The following ZNF253 variants were observed in gnomAD, a reference collection of about 807,000 sequenced individuals.
The protein encoded by ZNF253 is zinc finger protein 253.
ZNF253 carries 8 observed loss-of-function variants against 11.9 expected under a neutral mutation model. The observed-to-expected ratio is 0.67, with a 90% CI of 0.40 to 1.22. ZNF253 has a LOEUF of 1.22. Ranked by LOEUF, ZNF253 falls within the 50% of genes most tolerant of loss-of-function variation. The probability of loss-of-function intolerance (pLI) is 0.01; values close to 1 mark genes in which losing one functional copy is unlikely to be tolerated. For synonymous variants in ZNF253, 194 were observed against 194.9 expected (o/e 1.00, Z 0.04); for missense variants, 485 against 586.9 (o/e 0.83, Z 1.79).
At chr19:19,885,228 TTTC>T (rs2063194349) in intron 3 of ZNF253, among the ~76,000 whole-genome samples, 1 of 50,438 alleles carries the variant, frequency 2.0e-5, no homozygotes, top group Non-Finnish European at 3.2e-5. Flanking sequence ...TCTTTCTTTC[TTTC>T]TTTCTTTCTT....
chr19:19,889,522 T>C (rs955165205), intron 3 of ZNF253, among the ~76,000 whole-genome samples: 4 of 152,158 alleles, frequency 2.6e-5, no homozygotes, highest in Non-Finnish European at 4.4e-5. Flanking sequence ...ATTTTTGTAT[T>C]TTTAGTAGAG....
intron 1 of ZNF253, 123 bp downstream of exon 1, chr19:19,866,122 C>T: frequency 1.5e-6 from 2 of 1,317,784 alleles, no homozygotes; most frequent in South Asian, 2.6e-5. Flanking sequence ...GTTCTCCCTG[C>T]CCAGCTCGGC....
chr19:19,872,736 C>T (rs1219828599), intron 1 of ZNF253, among the ~76,000 whole-genome samples: 1 of 150,704 alleles, frequency 6.6e-6, no homozygotes, highest in Non-Finnish European at 1.5e-5. Context: ...CAACTTGAAT[C>T]TTTGCTCCCA....
In ZNF253 at chr19:19,892,933, C is replaced by G. The variant is rs1339171346; in HGVS notation, c.*186C>G. On this transcript the variant is annotated 3_prime_UTR_variant, in exon 4 of 4. Coordinates refer to ENST00000589717, the MANE Select transcript of ZNF253 (RefSeq NM_021047.3). ...TAATTCATACCAAACAGAAGCCCTA[C>G]AAGTGTGAAGAATGTGGCAAAACCT... The G allele has an allele frequency of 4.9e-6, 3 of 611,528 alleles. No individual in the cohort carries two copies. Among genetic ancestry groups the G allele is most frequent in the Non-Finnish European group, 8.4e-6 (3 of 358,710 alleles). 37.9% of individuals were successfully genotyped at this position (611,528 alleles called of 1,614,324 possible). A position where few individuals can be genotyped will look rare whatever the true frequency, so the allele number is the denominator to read the frequency against.
chr19:19,886,093 A>G (rs1163976867), intron 3 of ZNF253, among the ~76,000 whole-genome samples: 2 of 152,172 alleles, frequency 1.3e-5, no homozygotes, highest in Non-Finnish European at 2.9e-5. Context: ...CCTGGGCTCA[A>G]GTGATTCTTT....
intron 1 of ZNF253, among the ~76,000 whole-genome samples, chr19:19,877,086 G>A (rs1481104748): frequency 6.6e-6 from 1 of 152,172 alleles, no homozygotes; most frequent in East Asian, 1.9e-4. Context: ...AACATGTAAT[G>A]TTGAGGCTCC....
intron 1 of ZNF253, 51 bp downstream of exon 1, chr19:19,866,050 G>C: frequency 6.2e-7 from 1 of 1,613,344 alleles, no homozygotes; most frequent in Non-Finnish European, 8.5e-7. Context: ...GTTTGGAACG[G>C]TGGGAAGTGG....
rs768723749 is a variant in ZNF253, at chr19:19,892,353, G to T, written c.1106G>T (p.Arg369Ile). Residue 369 changes from arginine (R) to isoleucine (I), a missense_variant, in exon 4 of 4, where the codon AGA becomes ATA. Transcript: ENST00000589717. ...KILHTGEKPY[R>I]CRECGKAFNH... The stretch of plus-strand genomic sequence containing the variant: ...CTTCATACTGGAGAGAAACCCTACA[G>T]ATGTAGAGAATGTGGCAAAGCTTTT... 4 of 1,611,126 alleles carry T rather than the reference G, an allele frequency of 2.5e-6. No individual in the cohort carries two copies. The highest frequency in any genetic ancestry group is 1.7e-5 in the Admixed American group (1 of 59,730).
In ZNF253 at chr19:19,865,911, T is replaced by C; in HGVS notation, c.-86T>C. The C allele has an allele frequency of 6.5e-7, 1 of 1,543,920 alleles. No individual in the cohort carries two copies. Among genetic ancestry groups the C allele is most frequent in the Non-Finnish European group, 9.0e-7 (1 of 1,116,122 alleles). Reference sequence around the variant, plus strand: ...ATCCTCAGTGTTCTGTGTCCTGTGCTTATAGAGGCCCGTCCTCTGTGGCCG... The same window carrying C: ...ATCCTCAGTGTTCTGTGTCCTGTGCCTATAGAGGCCCGTCCTCTGTGGCCG... On this transcript the variant is annotated 5_prime_UTR_variant, in exon 1 of 4. Coordinates refer to ENST00000589717, the MANE Select transcript of ZNF253 (RefSeq NM_021047.3).
chr19:19,885,298 T>TTTTCTTTTCTTTC lies in ZNF253; in HGVS notation c.226+5159_226+5160insTCTTTCTTTCTTT, dbSNP rs1441429030. Among the ~76,000 whole-genome samples, 4 of 37,590 alleles carry TTTTCTTTTCTTTC rather than the reference T, an allele frequency of 1.1e-4. 1 individual carries two copies. The highest frequency in any genetic ancestry group is 1.7e-4 in the Non-Finnish European group (4 of 24,064). 24.7% of individuals were successfully genotyped at this position (37,590 alleles called of 152,430 possible). A position where few individuals can be genotyped will look rare whatever the true frequency, so the allele number is the denominator to read the frequency against. On this transcript the variant is annotated intron_variant, in intron 3 of 3. Coordinates refer to ENST00000589717, the MANE Select transcript of ZNF253 (RefSeq NM_021047.3). The stretch of plus-strand genomic sequence containing the variant: ...TTCTTTCTTTCTTTCTTTCTCTTTC[T>TTTTCTTTTCTTTC]TTTCTTTCTTTCTTTCTTTCTTTCT...
intron 1 of ZNF253, among the ~76,000 whole-genome samples, chr19:19,868,901 A>G (rs945803728): frequency 1.3e-5 from 2 of 152,198 alleles, no homozygotes; most frequent in Non-Finnish European, 2.9e-5. Flanking sequence ...GGTTATATGT[A>G]GATGCTTTTC....
At chr19:19,885,303 TTTC>T (rs1231363862) in intron 3 of ZNF253, among the ~76,000 whole-genome samples, 8 of 31,306 alleles carry the variant, frequency 2.6e-4, no homozygotes, top group Non-Finnish European at 2.5e-4. Context: ...CTTTCTTTTC[TTTC>T]TTTCTTTCTT....
chr19:19,875,554 C>T (rs2063151718), intron 1 of ZNF253, among the ~76,000 whole-genome samples: 1 of 152,086 alleles, frequency 6.6e-6, no homozygotes, highest in Non-Finnish European at 1.5e-5. Context: ...CACCACCACG[C>T]CCGGCTAATT....
chr19:19,887,068 A>G (rs1478824123), intron 3 of ZNF253, among the ~76,000 whole-genome samples: 4 of 152,032 alleles, frequency 2.6e-5, no homozygotes, highest in African/African-American at 9.7e-5. Flanking sequence ...ATAAAATAAT[A>G]CCAGTCTATG....
chr19:19,885,216 ATTCT>A (rs1162456298), intron 3 of ZNF253, among the ~76,000 whole-genome samples: 2,361 of 69,028 alleles, frequency 0.034, 181 homozygotes, highest in South Asian at 0.055. Flanking sequence ...TTTTTTTTGT[ATTCT>A]TTCTTTCTTT....
upstream of ZNF253, chr19:19,865,833 C>A: frequency 1.1e-6 from 1 of 911,648 alleles, no homozygotes; most frequent in Non-Finnish European, 1.8e-6. Context: ...CTGGAGCGAA[C>A]CACATGGTTT....
Position 19,892,570 on chromosome 19 carries a change from A to G in ZNF253, c.1323A>G (p.Thr441=). ...KSFTASSTLT[T]HKRIHTGEKP... is the part of the protein sequence containing the mutation. ...TTACTGCATCCTCAACTCTAACTAC[A>G]CATAAGAGAATTCATACTGGAGAGA... Residue 441 remains threonine (T), a synonymous_variant, in exon 4 of 4, where the codon ACA becomes ACG. Transcript: ENST00000589717. The G allele has an allele frequency of 6.2e-7, 1 of 1,614,038 alleles. No individual in the cohort carries two copies. The highest frequency in any genetic ancestry group is 8.5e-7 in the Non-Finnish European group (1 of 1,179,942).
chr19:19,892,585 T>C lies in ZNF253; in HGVS notation c.1338T>C (p.His446=). 1 of 1,614,040 alleles carries C rather than the reference T, an allele frequency of 6.2e-7. No individual in the cohort carries two copies. The highest frequency in any genetic ancestry group is 8.5e-7 in the Non-Finnish European group (1 of 1,179,952). The change falls in exon 4 of 4, where the codon CAT becomes CAC. Residue 446 remains histidine (H), a synonymous_variant. Transcript: ENST00000589717. ...CTCTAACTACACATAAGAGAATTCA[T>C]ACTGGAGAGAAACCTTACAAATGTG... ...SSTLTTHKRI[H]TGEKPYKCEE... is the part of the protein sequence containing the mutation.
intron 1 of ZNF253, among the ~76,000 whole-genome samples, chr19:19,873,345 C>A (rs1373715952): frequency 6.6e-6 from 1 of 151,904 alleles, no homozygotes; most frequent in Non-Finnish European, 1.5e-5. Flanking sequence ...TGGAGCTCCA[C>A]CAGTGCAGTT....
Sources: gnomAD v4.1 joint callset for allele counts (sites outside exome capture counted in the v4.1 genomes callset) on GRCh38, gnomAD v4.1.1 for gene constraint, MANE v1.5 for transcripts, NCBI Gene and HGNC (gene_info 2026-07-23, HGNC 2026-07-21) for gene names.